Variants in RFTN1 observed in about 807,000 individuals in gnomAD.
RFTN1 encodes the protein raftlin.
A neutral mutation model predicts 46.5 loss-of-function variants in RFTN1; 26 were observed. The observed-to-expected ratio is 0.56, with a 90% CI of 0.41 to 0.78. The LOEUF is 0.78. Ranked by LOEUF, RFTN1 falls within the 30% of genes least tolerant of loss-of-function variation. RFTN1 has a pLI of 0.00. For synonymous variants in RFTN1, 261 were observed against 284.2 expected, an observed-to-expected ratio of 0.92 and a Z score of 0.82; for missense variants, 693 against 718.7, an observed-to-expected ratio of 0.96 and a Z score of 0.41.
intron 4 of RFTN1, among the ~76,000 whole-genome samples, chr3:16,388,932 C>T (rs2125399142): frequency 6.6e-6 from 1 of 152,290 alleles, no homozygotes; most frequent in African/African-American, 2.4e-5. Context: ...CATTAAGACT[C>T]CCTGGAACAT....
Position 16,407,106 on chromosome 3 carries a change from A to T in RFTN1, c.441+2269T>A, listed in dbSNP as rs1442167178. 6.6e-6 allele frequency among the ~76,000 whole-genome samples: 1 copy of T among 152,224 alleles called. No individual in the cohort carries two copies. Among genetic ancestry groups the T allele is most frequent in the Non-Finnish European group, 1.5e-5 (1 of 68,038 alleles). On this transcript the variant is annotated intron_variant, in intron 4 of 9. Transcript: ENST00000334133. The surrounding 1 kb of genome is among the most constrained non-coding windows in gnomAD (Gnocchi z 4.0). Reference sequence around the variant, plus strand: ...TCGGGCTGTTTCCTGAAGAACTGAGACAGGACCACTGCAATGGGTCAGCCA... The same window carrying T: ...TCGGGCTGTTTCCTGAAGAACTGAGTCAGGACCACTGCAATGGGTCAGCCA...
chr3:16,454,272 T>C (rs143090327), intron 2 of RFTN1, among the ~76,000 whole-genome samples: 28 of 152,362 alleles, frequency 1.8e-4, no homozygotes, highest in African/African-American at 6.5e-4. Flanking sequence ...ATTGGTCTTA[T>C]CAATTCACAG....
intron 6 of RFTN1, among the ~76,000 whole-genome samples, chr3:16,365,322 A>T (rs910714742): frequency 6.6e-6 from 1 of 152,218 alleles, no homozygotes; most frequent in Non-Finnish European, 1.5e-5. Context: ...ATTGAGCATC[A>T]TCCAGAACTA....
chr3:16,482,786 C>T, intron 2 of RFTN1: 1 of 1,536,214 alleles, frequency 6.5e-7, no homozygotes, highest in African/African-American at 1.4e-5. Context: ...AATACATCAG[C>T]TGCAGGGATC....
chr3:16,381,235 T>C lies in RFTN1; in HGVS notation c.442-3133A>G, dbSNP rs1400922401. 6.6e-6 allele frequency among the ~76,000 whole-genome samples: 1 copy of C among 152,190 alleles called. No homozygotes were observed. Among genetic ancestry groups the C allele is most frequent in the Non-Finnish European group, 1.5e-5 (1 of 68,024 alleles). On this transcript the variant is annotated intron_variant, in intron 4 of 9. Transcript: ENST00000334133. This position sits in a 1 kb window ranked among gnomAD's most constrained non-coding sequence, Gnocchi z 4.2. ...CACCAAAATGAAAACAGCACTGTATTTGGGGAGTGGGGCTATAAGTGATTT... is the reference window on the plus strand; with the variant it reads ...CACCAAAATGAAAACAGCACTGTATCTGGGGAGTGGGGCTATAAGTGATTT...
chr3:16,397,779 T>C (rs961565170), intron 4 of RFTN1, among the ~76,000 whole-genome samples: 32 of 108,716 alleles, frequency 2.9e-4, no homozygotes, highest in African/African-American at 8.1e-4. Flanking sequence ...TCGGTCTCTC[T>C]CCCTCTCTCT....
At position 16,452,041 on chromosome 3, in the gene RFTN1, C is replaced by T. The variant is rs911369314; in HGVS notation, c.146-18004G>A. Reference sequence around the variant, plus strand: ...ATGCACAGGACAAATAGATGATCCACGTCCTGGGCGGAATAGAGCAGGATG... The same window carrying T: ...ATGCACAGGACAAATAGATGATCCATGTCCTGGGCGGAATAGAGCAGGATG... On this transcript the variant is annotated intron_variant, in intron 2 of 9. Coordinates refer to ENST00000334133, the MANE Select transcript of RFTN1 (RefSeq NM_015150.2). The surrounding 1 kb of genome is among the most constrained non-coding windows in gnomAD (Gnocchi z 6.3). Among the ~76,000 whole-genome samples the T allele has an allele frequency of 4.6e-5, 7 of 152,152 alleles. No individual in the cohort carries two copies. The highest frequency in any genetic ancestry group is 2.6e-4 in the Admixed American group (4 of 15,276).
chr3:16,478,859 C>T (rs973237411), intron 2 of RFTN1, among the ~76,000 whole-genome samples: 8 of 152,204 alleles, frequency 5.3e-5, no homozygotes, highest in African/African-American at 1.9e-4. Flanking sequence ...CACAACACGG[C>T]AACCAGTTTC....
chr3:16,364,504 T>C (rs746366154), intron 6 of RFTN1, among the ~76,000 whole-genome samples: 1 of 152,130 alleles, frequency 6.6e-6, no homozygotes, highest in Non-Finnish European at 1.5e-5. Context: ...GCTAGGTTTC[T>C]ACCCTTGCAG....
chr3:16,342,924 C>G lies in RFTN1; in HGVS notation c.1146+15008G>C, dbSNP rs1011213454. Among the ~76,000 whole-genome samples, 6 of 152,200 alleles carry G rather than the reference C, an allele frequency of 3.9e-5. No individual in the cohort carries two copies. The highest frequency in any genetic ancestry group is 1.4e-4 in the African/African-American group (6 of 41,450). On this transcript the variant is annotated intron_variant, in intron 7 of 9. Transcript: ENST00000334133. The surrounding 1 kb of genome is among the most constrained non-coding windows in gnomAD (Gnocchi z 4.0). ...TCTCGATCTCAGCTCACTGCAGCCT[C>G]AACCTCCCAGGCTCAAGTGAGCCTC...
chr3:16,374,030 G>A lies in RFTN1; in HGVS notation c.826+3688C>T, dbSNP rs544298396. On this transcript the variant is annotated intron_variant, in intron 5 of 9. Coordinates refer to ENST00000334133, the MANE Select transcript of RFTN1 (RefSeq NM_015150.2). The surrounding 1 kb of genome is among the most constrained non-coding windows in gnomAD (Gnocchi z 5.4). ...GCAGGAAAGGCAAAGTGCAGGGACC[G>A]CTGCTGCGTGCACAACAATCCACAG... 2.0e-4 allele frequency among the ~76,000 whole-genome samples: 31 copies of A among 152,300 alleles called. No homozygotes were observed. Among genetic ancestry groups the A allele is most frequent in the African/African-American group, 7.0e-4 (29 of 41,562 alleles).
chr3:16,396,142 AAAAG>A lies in RFTN1; in HGVS notation c.441+13229_441+13232del, dbSNP rs375047576. Among the ~76,000 whole-genome samples, 213 of 152,314 alleles carry A rather than the reference AAAAG, an allele frequency of 1.4e-3. 2 individuals carry two copies. Among genetic ancestry groups the A allele is most frequent in the African/African-American group, 4.5e-3 (189 of 41,564 alleles). On this transcript the variant is annotated intron_variant, in intron 4 of 9. Coordinates refer to ENST00000334133, the MANE Select transcript of RFTN1 (RefSeq NM_015150.2). ...TGATCAGAGACCTCAGGGGAGAGATAAAAGAAAGAAAAATCAAACCTGGAAAGAC... is the reference window on the plus strand; with the variant it reads ...TGATCAGAGACCTCAGGGGAGAGATAAAAGAAAAATCAAACCTGGAAAGAC...
In RFTN1 at chr3:16,467,655, A is replaced by ATG. The variant is rs1237429666; in HGVS notation, c.145+26069_145+26070insCA. On this transcript the variant is annotated intron_variant, in intron 2 of 9. Transcript: ENST00000334133. ...AGAGGAGTGGCCAAAAGAGGTGATG[A>ATG]CCGTGCGCCATGGAAGGGAAACCAG... is the stretch of plus-strand genomic sequence containing the variant. Among the ~76,000 whole-genome samples, 568 of 152,350 alleles carry ATG rather than the reference A, an allele frequency of 3.7e-3. 4 individuals carry two copies. Among genetic ancestry groups the ATG allele is most frequent in the Middle Eastern group, 0.014 (4 of 294 alleles).
chr3:16,332,157 A>T (rs977851779), intron 7 of RFTN1, among the ~76,000 whole-genome samples: 2 of 152,070 alleles, frequency 1.3e-5, no homozygotes, highest in African/African-American at 4.8e-5. Context: ...CTTGTCCTTC[A>T]GTTCTGAAAA....
Position 16,341,176 on chromosome 3 carries a change from G to C in RFTN1, c.1147-14300C>G, listed in dbSNP as rs561119566. On this transcript the variant is annotated intron_variant, in intron 7 of 9. Coordinates refer to ENST00000334133, the MANE Select transcript of RFTN1 (RefSeq NM_015150.2). This position sits in a 1 kb window ranked among gnomAD's most constrained non-coding sequence, Gnocchi z 4.7. ...AATACTTAATGCCGGTGAGGATGTG[G>C]AACAACAGCAACTCTCGTTCACTGT... 5.8e-4 allele frequency among the ~76,000 whole-genome samples: 88 copies of C among 152,322 alleles called. No homozygotes were observed. The highest frequency in any genetic ancestry group is 1.2e-3 in the Non-Finnish European group (79 of 68,028).
chr3:16,510,866 A>G (rs2076888502), intron 1 of RFTN1, among the ~76,000 whole-genome samples: 1 of 152,066 alleles, frequency 6.6e-6, no homozygotes, highest in Non-Finnish European at 1.5e-5. Context: ...AGAAAGAAAG[A>G]AAGAAACTAG....
chr3:16,367,661 C>CTA (rs2073273839), intron 6 of RFTN1, among the ~76,000 whole-genome samples: 1 of 115,850 alleles, frequency 8.6e-6, no homozygotes, highest in South Asian at 4.5e-4. Context: ...CCAAGGGAGG[C>CTA]TATAACAGTA....
intron 4 of RFTN1, among the ~76,000 whole-genome samples, chr3:16,404,387 A>AAT (rs35760953): frequency 0.73 from 33,232 of 45,814 alleles, 13,684 homozygotes; most frequent in Middle Eastern, 0.87. Flanking sequence ...TATAATATAT[A>AAT]ATATATATAC....
At chr3:16,467,100 T>C (rs2076109169) in intron 2 of RFTN1, among the ~76,000 whole-genome samples, 1 of 150,444 alleles carries the variant, frequency 6.6e-6, no homozygotes, top group African/African-American at 2.5e-5. Flanking sequence ...AAAAGGGGGG[T>C]GAGGGTTTTG....
Sources: allele counts gnomAD v4.1 joint callset (sites outside exome capture counted in the v4.1 genomes callset), GRCh38; gene constraint gnomAD v4.1.1; non-coding constraint Gnocchi (gnomAD v3.1); transcripts MANE v1.5; gene names NCBI Gene and HGNC (gene_info 2026-07-23, HGNC 2026-07-21).